Variants in CLDN16 observed in about 807,000 individuals in gnomAD.
The protein encoded by CLDN16 is claudin-16.
CLDN16 carries 13 observed loss-of-function variants against 24.6 expected under a neutral mutation model. That is an observed-to-expected ratio of 0.53 (90% CI 0.34 to 0.84). The LOEUF is 0.84. Ranked by LOEUF, CLDN16 falls within the 40% of genes least tolerant of loss-of-function variation. CLDN16 has a pLI of 0.01. For synonymous variants in CLDN16, 116 were observed against 106.7 expected (o/e 1.09, Z -0.54); for missense variants, 298 against 292.7 (o/e 1.02, Z -0.13).
intron 3 of CLDN16, among the ~76,000 whole-genome samples, chr3:190,406,930 AG>A (rs910039302): frequency 1.3e-5 from 2 of 151,566 alleles, no homozygotes; most frequent in African/African-American, 2.4e-5. Context: ...TTAGTAGAGA[AG>A]GGGTTTCACC....
chr3:190,312,742 C>G, the CLDN16 span: 2 of 978,868 alleles, frequency 2.0e-6, no homozygotes, highest in Non-Finnish European at 3.2e-6. Flanking sequence ...TGAAAGTCAA[C>G]TGGACTTCAG....
the CLDN16 span, among the ~76,000 whole-genome samples, chr3:190,292,516 A>G: frequency 6.6e-6 from 1 of 152,046 alleles, no homozygotes; most frequent in East Asian, 1.9e-4. Flanking sequence ...TATTTTCCCC[A>G]TTGTCTTGGC....
At chr3:190,313,228 G>C in the CLDN16 span, 2 of 595,374 alleles carry the variant, frequency 3.4e-6, no homozygotes, top group East Asian at 2.8e-5. Context: ...CAAATGCCAG[G>C]CTGGATGATG....
At chr3:190,323,325 C>T (rs953219444) in intron 1 of CLDN16, among the ~76,000 whole-genome samples, 12 of 152,152 alleles carry the variant, frequency 7.9e-5, no homozygotes, top group African/African-American at 2.7e-4. Flanking sequence ...CAGGTGAGGA[C>T]ATGTAAACAG....
chr3:190,387,649 T>C (rs1655837409), upstream of CLDN16, among the ~76,000 whole-genome samples: 1 of 152,126 alleles, frequency 6.6e-6, no homozygotes, highest in Admixed American at 6.6e-5. Flanking sequence ...AATGCACACT[T>C]GTTCCCACTC....
intron 1 of CLDN16, among the ~76,000 whole-genome samples, chr3:190,394,556 C>T (rs1007580446): frequency 6.6e-6 from 1 of 152,114 alleles, no homozygotes; most frequent in Non-Finnish European, 1.5e-5. Flanking sequence ...CAATTGATTT[C>T]AAACTCTTTC....
Position 190,381,152 on chromosome 3 carries a change from C to T in CLDN16, n.306+6549C>T, listed in dbSNP as rs138620467. Among the ~76,000 whole-genome samples the T allele has an allele frequency of 3.4e-3, 511 of 152,202 alleles. 3 individuals are homozygous for T. The highest frequency in any genetic ancestry group is 0.012 in the African/African-American group (497 of 41,552). ...GGAGGTGACGCCGGTGCAGTGCAAA[C>T]AGCGAGAAAAAGAGTAAAGGGAGAG... On this transcript the variant is annotated intron_variant and non_coding_transcript_variant, in intron 3 of 4. Transcript: ENST00000468220.
At chr3:190,358,681 G>A (rs1717826342) in intron 1 of CLDN16, among the ~76,000 whole-genome samples, 1 of 151,042 alleles carries the variant, frequency 6.6e-6, no homozygotes, top group Non-Finnish European at 1.5e-5. Flanking sequence ...AAAACAACAA[G>A]TTTATTGCTC....
chr3:190,398,297 C>T (rs1357830793), intron 1 of CLDN16, among the ~76,000 whole-genome samples: 1 of 152,196 alleles, frequency 6.6e-6, no homozygotes, highest in African/African-American at 2.4e-5. Flanking sequence ...AGGCTGGAAG[C>T]TTATAATCAA....
chr3:190,341,253 G>A (rs113962136), intron 1 of CLDN16, among the ~76,000 whole-genome samples: 4,495 of 152,296 alleles, frequency 0.03, 109 homozygotes, highest in East Asian at 0.081. Context: ...CCCTAGCAGA[G>A]GTTCTCTATA....
intron 2 of CLDN16, among the ~76,000 whole-genome samples, chr3:190,371,271 G>A (rs114709017): frequency 5.5e-4 from 83 of 151,398 alleles, no homozygotes; most frequent in African/African-American, 2.0e-3. Context: ...AGAGAAACCT[G>A]ACTAATACAA....
At chr3:190,295,858 C>T in the CLDN16 span, among the ~76,000 whole-genome samples, 1 of 152,192 alleles carries the variant, frequency 6.6e-6, no homozygotes, top group Admixed American at 6.5e-5. Flanking sequence ...TTATAACTCA[C>T]TCTACGTGGG....
chr3:190,361,308 T>C (rs1236529350), intron 1 of CLDN16, among the ~76,000 whole-genome samples: 1 of 151,978 alleles, frequency 6.6e-6, no homozygotes, highest in East Asian at 1.9e-4. Context: ...TTGCAAAAAC[T>C]GTAACTGAGG....
the CLDN16 span, among the ~76,000 whole-genome samples, chr3:190,314,254 G>T: frequency 6.6e-6 from 1 of 152,200 alleles, no homozygotes; most frequent in Admixed American, 6.5e-5. Flanking sequence ...CCTAGGCTTA[G>T]TGTTAATATT....
intron 2 of CLDN16, among the ~76,000 whole-genome samples, chr3:190,372,388 T>C (rs551993865): frequency 6.6e-6 from 1 of 152,018 alleles, no homozygotes; most frequent in African/African-American, 2.4e-5. Flanking sequence ...CCTACCTGTT[T>C]ACCCAGATAC....
At chr3:190,375,736 C>G (rs917266162) in intron 3 of CLDN16, among the ~76,000 whole-genome samples, 1 of 151,816 alleles carries the variant, frequency 6.6e-6, no homozygotes, top group African/African-American at 2.4e-5. Context: ...TGGGTTAATG[C>G]AAAATGAGTG....
At chr3:190,307,362 G>A in the CLDN16 span, 3 of 152,176 alleles carry the variant, frequency 2.0e-5, no homozygotes, top group Admixed American at 1.3e-4. Context: ...CTATGAATAA[G>A]TAGCTTAAAA....
intron 1 of CLDN16, among the ~76,000 whole-genome samples, chr3:190,344,195 G>C (rs576942059): frequency 6.6e-6 from 1 of 152,050 alleles, no homozygotes; most frequent in East Asian, 1.9e-4. Context: ...AAAACACAGA[G>C]CTTCCAAATT....
rs1719236908 is a variant in CLDN16 at position 190,410,093 on chromosome 3, GATAAA to G, written c.*61_*65del. 1 of 1,572,502 alleles carries G rather than the reference GATAAA, an allele frequency of 6.4e-7. No homozygotes were observed. The highest frequency in any genetic ancestry group is 1.3e-5 in the African/African-American group (1 of 74,184). Reference sequence around the variant, plus strand: ...TTTAATCAATCAGTATGGTTACATTGATAAAATAGTAAGTCAATCCAGGAACAGTT... The same window carrying G: ...TTTAATCAATCAGTATGGTTACATTGATAGTAAGTCAATCCAGGAACAGTT... On this transcript the variant is annotated 3_prime_UTR_variant, in exon 5 of 5. Coordinates refer to ENST00000264734, the MANE Select transcript of CLDN16 (RefSeq NM_006580.4).
Sources: allele counts gnomAD v4.1 joint callset (sites outside exome capture counted in the v4.1 genomes callset), GRCh38; gene constraint gnomAD v4.1.1; transcripts MANE v1.5; gene names NCBI Gene and HGNC (gene_info 2026-07-23, HGNC 2026-07-21).